Variants in ANKRD36C observed in about 807,000 individuals in gnomAD.
ANKRD36C encodes ankyrin repeat domain 36C.
In ANKRD36C, 61 loss-of-function variants were observed where a neutral mutation model predicts 276.4. The ratio of observed to expected loss-of-function variants is 0.22; its 90% CI spans 0.18 to 0.27. The LOEUF is 0.27. Ranked by LOEUF, ANKRD36C falls within the 10% of genes least tolerant of loss-of-function variation. The probability of loss-of-function intolerance (pLI) is 1.00; values close to 1 mark genes in which losing one functional copy is unlikely to be tolerated. For synonymous variants in ANKRD36C, 483 were observed against 680.1 expected, an observed-to-expected ratio of 0.71 and a Z score of 4.51; for missense variants, 1,447 against 2,032.3, an observed-to-expected ratio of 0.71 and a Z score of 5.54.
chr2:95,936,709 A>G (rs1677728624), intron 22 of ANKRD36C, among the ~76,000 whole-genome samples: 1 of 152,100 alleles, frequency 6.6e-6, no homozygotes, highest in Admixed American at 6.5e-5. Flanking sequence ...TTTTTTGTTG[A>G]TAAATCTAAT....
chr2:95,972,819 C>T (rs1299923305), intron 6 of ANKRD36C, among the ~76,000 whole-genome samples: 1 of 151,968 alleles, frequency 6.6e-6, no homozygotes, highest in Non-Finnish European at 1.5e-5. Context: ...AAGCAGCAAT[C>T]CTATTTTAAC....
chr2:95,891,611 G>T (rs1250448392), intron 46 of ANKRD36C, 54 bp downstream of exon 66: 2 of 1,523,884 alleles, frequency 1.3e-6, no homozygotes, highest in Non-Finnish European at 8.8e-7. Context: ...TCAGGGAAGA[G>T]AATTTCTTAT....
chr2:95,956,953 G>T, intron 12 of ANKRD36C, 137 bp from the exon 13 acceptor site: 1 of 775,016 alleles, frequency 1.3e-6, no homozygotes, highest in South Asian at 2.0e-5. Flanking sequence ...CACTTGAGAA[G>T]CCCAGGCAAT....
chr2:95,897,761 T>A (rs1415716488), intron 44 of ANKRD36C, among the ~76,000 whole-genome samples: 1 of 148,642 alleles, frequency 6.7e-6, no homozygotes, highest in African/African-American at 2.5e-5. Context: ...GAGGTCAAAG[T>A]GATCTAAAAT....
chr2:95,914,356 T>C (rs1393559155), intron 38 of ANKRD36C, 53 bp from the exon 41 acceptor site: 1 of 1,532,832 alleles, frequency 6.5e-7, no homozygotes, highest in Admixed American at 2.0e-5. Flanking sequence ...GACAAAATTA[T>C]CCATACATTC....
chr2:95,867,663 A>T, intron 59 of ANKRD36C, 82 bp from the exon 80 acceptor site: 2 of 1,539,308 alleles, frequency 1.3e-6, no homozygotes, highest in Non-Finnish European at 1.8e-6. Context: ...GGAATTGCCC[A>T]TCTGTTTATA....
intron 5 of ANKRD36C, among the ~76,000 whole-genome samples, chr2:95,979,814 T>C (rs1678880881): frequency 1.3e-5 from 2 of 152,036 alleles, no homozygotes; most frequent in Admixed American, 1.3e-4. Flanking sequence ...CATGAAGGTC[T>C]AGAAGCCCAG....
intron 24 of ANKRD36C, among the ~76,000 whole-genome samples, chr2:95,934,130 T>C (rs1677647887): frequency 6.6e-6 from 1 of 152,130 alleles, no homozygotes; most frequent in African/African-American, 2.4e-5. Context: ...TGTGGAGAAA[T>C]AGGAACGCTT....
intron 6 of ANKRD36C, among the ~76,000 whole-genome samples, chr2:95,974,397 C>A (rs1192737854): frequency 2.0e-5 from 3 of 152,098 alleles, no homozygotes; most frequent in African/African-American, 7.2e-5. Context: ...GTAGCTAATT[C>A]TCTTAAAAGA....
chr2:95,927,451 T>C (rs2104434631), intron 26 of ANKRD36C, 42 bp from the exon 27 acceptor site: 2 of 1,604,084 alleles, frequency 1.2e-6, no homozygotes, highest in East Asian at 2.2e-5. Flanking sequence ...CATGTACATA[T>C]GATAAATTTA....
chr2:95,897,202 T>A (rs952016533), intron 44 of ANKRD36C, 68 bp downstream of exon 60: 12 of 1,222,606 alleles, frequency 9.8e-6, no homozygotes, highest in Admixed American at 2.6e-5. Context: ...CCCCGCTGAT[T>A]TATTCACGGA....
At chr2:95,855,978 G>A (rs74328999) in exon 63 of ANKRD36C, 54,938 of 1,612,616 alleles carry the variant, frequency 0.034, 3,426 homozygotes, top group Admixed American at 0.26. Flanking sequence ...ACAGGCTATC[G>A]TTTCTGCTAA....
intron 42 of ANKRD36C, 72 bp from the exon 49 acceptor site, chr2:95,906,894 T>A (rs1394974263): frequency 2.0e-5 from 2 of 100,222 alleles, no homozygotes; most frequent in South Asian, 9.2e-5. Flanking sequence ...TCACACGGTG[T>A]TAGCATCAAC....
chr2:95,963,972 A>AATATAT lies in ANKRD36C; in HGVS notation c.800-1431_800-1426dup, dbSNP rs1160108122. Among the ~76,000 whole-genome samples the AATATAT allele has an allele frequency of 8.7e-3, 422 of 48,716 alleles. 6 individuals carry two copies. Among genetic ancestry groups the AATATAT allele is most frequent in the Middle Eastern group, 0.019 (1 of 54 alleles). The allele number at this position is 48,716 out of a possible 152,430, so 32.0% of individuals were successfully genotyped here. On this transcript the variant is annotated intron_variant, in intron 6 of 66. Transcript: ENST00000456556. ...ATATATATATAAATATATATATATA[A>AATATAT]ATATATATATATATATATATATATA...
chr2:95,910,419 A>G (rs1308556426), intron 42 of ANKRD36C: 15 of 1,558,496 alleles, frequency 9.6e-6, no homozygotes, highest in Non-Finnish European at 1.3e-5. Flanking sequence ...CTATACTCAA[A>G]ACAGAATCTT....
intron 38 of ANKRD36C, among the ~76,000 whole-genome samples, chr2:95,915,748 C>G (rs1326323875): frequency 6.6e-6 from 1 of 151,496 alleles, no homozygotes; most frequent in Non-Finnish European, 1.5e-5. Context: ...TCTTCAACTG[C>G]TCTCCATATT....
intron 12 of ANKRD36C, 108 bp from the exon 13 acceptor site, chr2:95,956,924 A>T (rs1000712431): frequency 2.1e-5 from 23 of 1,078,468 alleles, no homozygotes; most frequent in Non-Finnish European, 2.9e-5. Flanking sequence ...AGCTACTCAA[A>T]AGGCTGAGGC....
At chr2:95,893,586 T>A in intron 44 of ANKRD36C, 1 of 1,572,720 alleles carries the variant, frequency 6.4e-7, no homozygotes, top group Non-Finnish European at 8.6e-7. Flanking sequence ...CAAAACAGAA[T>A]CTTCCTCGTC....
chr2:95,877,154 AG>A (rs1421981333), intron 58 of ANKRD36C, among the ~76,000 whole-genome samples: 1 of 150,978 alleles, frequency 6.6e-6, no homozygotes, highest in African/African-American at 2.4e-5. Context: ...ACTTCACAAT[AG>A]TACCTTTAGA....
Sources: gnomAD v4.1 joint callset for allele counts (sites outside exome capture counted in the v4.1 genomes callset) on GRCh38, gnomAD v4.1.1 for gene constraint, MANE v1.5 for transcripts, NCBI Gene and HGNC (gene_info 2026-07-23, HGNC 2026-07-21) for gene names.